DGKI: variants seen among roughly 807,000 people sequenced by gnomAD.
DGKI encodes diacylglycerol kinase iota, also known as DAG kinase iota.
Under a neutral mutation model 147.5 loss-of-function variants are expected in DGKI, and 55 were observed. The ratio of observed to expected loss-of-function variants is 0.37; its 90% CI spans 0.30 to 0.47. The LOEUF (loss-of-function observed/expected upper bound fraction) is 0.47. Ranked by LOEUF, DGKI falls within the 20% of genes least tolerant of loss-of-function variation. The pLI, the probability that DGKI is intolerant of heterozygous loss-of-function variation, is 1.00. For synonymous variants in DGKI, 469 were observed against 477.1 expected, an observed-to-expected ratio of 0.98 and a Z score of 0.22; for missense variants, 1,007 against 1,323.8, an observed-to-expected ratio of 0.76 and a Z score of 3.71.
At chr7:137,658,411 A>G (rs1822300608) in intron 3 of DGKI, among the ~76,000 whole-genome samples, 1 of 152,208 alleles carries the variant, frequency 6.6e-6, no homozygotes, top group Admixed American at 6.5e-5. Flanking sequence ...TCAGAGTTAT[A>G]GCGACACAAA....
At chr7:137,599,122 T>C (rs555385695) in intron 11 of DGKI, among the ~76,000 whole-genome samples, 123 of 152,262 alleles carry the variant, frequency 8.1e-4, no homozygotes, top group African/African-American at 2.9e-3. Flanking sequence ...ATCTGAACTA[T>C]CCTAGTACAT....
chr7:137,478,493 C>A (rs1422724667), intron 23 of DGKI, among the ~76,000 whole-genome samples: 1 of 152,130 alleles, frequency 6.6e-6, no homozygotes, highest in Non-Finnish European at 1.5e-5. Flanking sequence ...ACAGGTATTA[C>A]TGAATTTTCT....
chr7:137,496,062 G>C (rs116712066), intron 21 of DGKI, among the ~76,000 whole-genome samples: 1,810 of 151,974 alleles, frequency 0.012, 31 homozygotes, highest in African/African-American at 0.042. Flanking sequence ...AAGAACCCTA[G>C]AGTCTCTGCC....
At chr7:137,833,666 T>C (rs1181517026) in intron 1 of DGKI, among the ~76,000 whole-genome samples, 1 of 152,108 alleles carries the variant, frequency 6.6e-6, no homozygotes, top group Non-Finnish European at 1.5e-5. Context: ...TATGAACAAA[T>C]TGGCAATCCC....
chr7:137,715,139 C>G (rs1450308276), intron 1 of DGKI, among the ~76,000 whole-genome samples: 1 of 152,178 alleles, frequency 6.6e-6, no homozygotes, highest in Non-Finnish European at 1.5e-5. Context: ...CAGAGAGAAG[C>G]CTAAGACCAG....
chr7:137,696,745 G>A lies in DGKI; in HGVS notation c.402-6743C>T, dbSNP rs147671902. 8.4e-3 allele frequency among the ~76,000 whole-genome samples: 1,276 copies of A among 152,106 alleles called. 20 individuals carry two copies. Among genetic ancestry groups the A allele is most frequent in the African/African-American group, 0.027 (1,108 of 41,494 alleles). On this transcript the variant is annotated intron_variant, in intron 1 of 32. Coordinates refer to ENST00000614521, the MANE Select transcript of DGKI (RefSeq NM_001321708.2). ...GGAGAAAAAATAATCATGCTGTTAT[G>A]GGCTGAACTGTGTCACCCCAAAGTT...
chr7:137,639,471 C>A (rs1233984457), intron 6 of DGKI, among the ~76,000 whole-genome samples: 1 of 152,102 alleles, frequency 6.6e-6, no homozygotes, highest in Non-Finnish European at 1.5e-5. Context: ...GGGACCATGT[C>A]CCCCATCATG....
intron 1 of DGKI, chr7:137,721,861 C>T: frequency 1.6e-6 from 1 of 631,338 alleles, no homozygotes. Context: ...CCTTGGCACA[C>T]ATGGTTCCAT....
At chr7:137,399,058 C>T (rs963719712) in intron 30 of DGKI, among the ~76,000 whole-genome samples, 3 of 147,598 alleles carry the variant, frequency 2.0e-5, no homozygotes, top group Non-Finnish European at 3.0e-5. Context: ...CCACATATTT[C>T]TCAGGCTTTC....
At chr7:137,409,089 T>C (rs1056810254) in intron 29 of DGKI, among the ~76,000 whole-genome samples, 2 of 152,164 alleles carry the variant, frequency 1.3e-5, no homozygotes, top group African/African-American at 4.8e-5. Context: ...TAGTTTTAAA[T>C]AGCTAGAAGG....
At chr7:137,711,458 A>T (rs1794211242) in intron 1 of DGKI, among the ~76,000 whole-genome samples, 1 of 152,190 alleles carries the variant, frequency 6.6e-6, no homozygotes, top group Admixed American at 6.5e-5. Context: ...AAAACATATG[A>T]AACTCAAGAA....
intron 6 of DGKI, among the ~76,000 whole-genome samples, chr7:137,628,061 G>A (rs752302822): frequency 7.2e-5 from 11 of 152,140 alleles, no homozygotes; most frequent in Non-Finnish European, 1.2e-4. Flanking sequence ...CAAGATCTAT[G>A]AACAAGAATC....
At chr7:137,469,456 AT>A (rs1814795125) in intron 24 of DGKI, 93 bp downstream of exon 24, 2 of 1,296,580 alleles carry the variant, frequency 1.5e-6, no homozygotes, top group Non-Finnish European at 2.2e-6. Context: ...TTTCTGAATA[AT>A]CTTTTGGAAA....
chr7:137,478,680 T>C (rs1815263472), intron 23 of DGKI, among the ~76,000 whole-genome samples: 1 of 152,108 alleles, frequency 6.6e-6, no homozygotes, highest in African/African-American at 2.4e-5. Flanking sequence ...CAGTGCAATG[T>C]GGACCGTGAA....
At chr7:137,670,407 A>C (rs1428809153) in intron 3 of DGKI, among the ~76,000 whole-genome samples, 2 of 152,200 alleles carry the variant, frequency 1.3e-5, no homozygotes, top group Non-Finnish European at 2.9e-5. Context: ...CATAGTAACA[A>C]TGGCTAACAT....
At position 137,597,830 on chromosome 7, in the gene DGKI, C is replaced by A. The variant is rs768257127; in HGVS notation, c.1311+17G>T. On this transcript the variant is annotated intron_variant, in intron 12 of 32. Coordinates refer to ENST00000614521, the MANE Select transcript of DGKI (RefSeq NM_001321708.2). ...GATAGAATTGGCAGAGAACTGGATTCTCTCTCAGGGACCTACCGTTCCATC... is the reference window on the plus strand; with the variant it reads ...GATAGAATTGGCAGAGAACTGGATTATCTCTCAGGGACCTACCGTTCCATC... 1.3e-5 allele frequency: 21 copies of A among 1,612,384 alleles called. No individual in the cohort carries two copies. Among genetic ancestry groups the A allele is most frequent in the Non-Finnish European group, 1.8e-5 (21 of 1,178,664 alleles).
At chr7:137,444,160 A>C in intron 27 of DGKI, 58 bp from the exon 28 acceptor site, 1 of 1,059,910 alleles carries the variant, frequency 9.4e-7, no homozygotes, top group Non-Finnish European at 1.4e-6. Context: ...ATGATAATCA[A>C]GAATAATTTC....
Position 137,390,297 on chromosome 7 carries a change from T to C in DGKI, c.*923A>G, listed in dbSNP as rs559810674. 3 of 152,654 alleles carry C rather than the reference T, an allele frequency of 2.0e-5. No individual in the cohort carries two copies. The highest frequency in any genetic ancestry group is 4.4e-5 in the Non-Finnish European group (3 of 68,028). 9.5% of individuals were successfully genotyped at this position (152,654 alleles called of 1,614,324 possible). ...ACCACAGTTCCCACACAGGATTATT[T>C]GCTCTGCAATTTAAACAGCACTTAA... On this transcript the variant is annotated 3_prime_UTR_variant, in exon 33 of 33. Coordinates refer to ENST00000614521, the MANE Select transcript of DGKI (RefSeq NM_001321708.2).
Position 137,395,610 on chromosome 7 carries a change from C to T in DGKI, c.3045G>A (p.Lys1015=). The T allele has an allele frequency of 6.2e-7, 1 of 1,614,120 alleles. No individual in the cohort carries two copies. The highest frequency in any genetic ancestry group is 8.5e-7 in the Non-Finnish European group (1 of 1,179,940). The part of the protein sequence containing the change: ...LLVDAGASLR[K]TDSKGKTPQE... ...CTCATCGAGTTACCTTGGAGTCCGTCTTTCTCAGAGATGCTCCTGCATCCA... is the reference window on the plus strand; with the variant it reads ...CTCATCGAGTTACCTTGGAGTCCGTTTTTCTCAGAGATGCTCCTGCATCCA... Residue 1015 remains lysine, a synonymous_variant, in exon 32 of 33, where the codon AAG becomes AAA. Transcript: ENST00000614521.
Sources: gnomAD v4.1 joint callset for allele counts (sites outside exome capture counted in the v4.1 genomes callset) on GRCh38, gnomAD v4.1.1 for gene constraint, MANE v1.5 for transcripts, NCBI Gene and HGNC (gene_info 2026-07-23, HGNC 2026-07-21) for gene names.